TOPORS: variants seen among roughly 807,000 people sequenced by gnomAD.
TOPORS encodes E3 ubiquitin-protein ligase Topors.
TOPORS carries 25 observed loss-of-function variants against 81.4 expected under a neutral mutation model. The observed-to-expected ratio is 0.31, with a 90% CI of 0.22 to 0.43. The LOEUF is 0.43. TOPORS is among the 20% of genes least tolerant of loss of function. TOPORS has a pLI of 1.00. For missense variants in TOPORS, 1,101 were observed against 1,267.0 expected (o/e 0.87, Z 1.99); for synonymous variants, 473 against 456.6 (o/e 1.04, Z -0.46).
chr9:32,551,125 G>T, intron 1 of TOPORS, 157 bp from the exon 2 acceptor site: 1 of 912,060 alleles, frequency 1.1e-6, no homozygotes, highest in Non-Finnish European at 1.7e-6. Flanking sequence ...CAGCGCACCG[G>T]CCCAAATGCG....
intron 2 of TOPORS, among the ~76,000 whole-genome samples, chr9:32,545,251 T>C (rs949340471): frequency 3.9e-5 from 6 of 152,122 alleles, no homozygotes; most frequent in Non-Finnish European, 8.8e-5. Context: ...CTTTTTTCTT[T>C]AATCCAAAAG....
In TOPORS at chr9:32,542,851, T is replaced by A. The variant is rs1334183570; in HGVS notation, c.1674A>T (p.Ser558=). 2 of 1,613,900 alleles carry A rather than the reference T, an allele frequency of 1.2e-6. No homozygotes were observed. The highest frequency in any genetic ancestry group is 2.7e-5 in the African/African-American group (2 of 74,930). Residue 558 remains serine, a synonymous_variant, in exon 3 of 3, where the codon TCA becomes TCT. Coordinates refer to ENST00000360538, the MANE Select transcript of TOPORS (RefSeq NM_005802.5). ...GHCDSSTRIK[S]KKEEKRSTSL... Reference sequence around the variant, plus strand: ...ATGTAGATCGTTTCTCTTCCTTCTTTGATTTGATTCTTGTACTAGAATCAC... The same window carrying A: ...ATGTAGATCGTTTCTCTTCCTTCTTAGATTTGATTCTTGTACTAGAATCAC...
Position 32,541,333 on chromosome 9 carries a change from C to A in TOPORS, c.*54G>T, listed in dbSNP as rs1011866892. On this transcript the variant is annotated 3_prime_UTR_variant, in exon 3 of 3. Coordinates refer to ENST00000360538, the MANE Select transcript of TOPORS (RefSeq NM_005802.5). ...TAAATAGACTGCAGTAGACGACATT[C>A]TTCCTTTTTCCTTTTTATAACATCA... 6.3e-7 allele frequency: 1 copy of A among 1,577,650 alleles called. No individual in the cohort carries two copies.
chr9:32,550,991 C>G, intron 1 of TOPORS, 23 bp from the exon 2 acceptor site: 1 of 1,607,266 alleles, frequency 6.2e-7, no homozygotes. Context: ...GGGCTCATCA[C>G]CAATGGCAGC....
rs1052152472 is a variant in TOPORS at position 32,542,295 on chromosome 9, A to G, written c.2230T>C (p.Phe744Leu). 1.2e-6 allele frequency: 2 copies of G among 1,614,036 alleles called. No homozygotes were observed. Among genetic ancestry groups the G allele is most frequent in the African/African-American group, 2.7e-5 (2 of 74,896 alleles). ...SSSPEFRVQS[F>L]SERTNARKKN... ...TTCCTAGCATTTGTTCTTTCAGAAA[A>G]GGACTGAACTCTAAATTCTGGACTT... is the stretch of plus-strand genomic sequence containing the variant. Residue 744 changes from phenylalanine to leucine, a missense_variant, in exon 3 of 3, where the codon TTT becomes CTT. Phe to Leu is a conservative substitution (Grantham distance 22). Around this residue, in one of 9 missense-constraint regions of TOPORS, gnomAD observed 605 missense variants for 636.1 expected, o/e 0.95. Transcript: ENST00000360538.
rs143248313 is a variant in TOPORS at position 32,552,007 on chromosome 9, G to A, written c.3+427C>T. On this transcript the variant is annotated intron_variant, in intron 1 of 2. Transcript: ENST00000360538. The stretch of plus-strand genomic sequence containing the variant: ...CGGGGAGGCGTGGGGGAGGGAGCGG[G>A]GGAGAAAGCGTTAATTCTTCCAGCT... Among the ~76,000 whole-genome samples the A allele has an allele frequency of 4.7e-4, 72 of 152,044 alleles. No individual in the cohort carries two copies. In the East Asian group the frequency reaches 0.014, roughly 29 times the overall value.
chr9:32,550,212 C>G (rs1162435198), intron 2 of TOPORS, among the ~76,000 whole-genome samples: 1 of 152,182 alleles, frequency 6.6e-6, no homozygotes, highest in South Asian at 2.1e-4. Flanking sequence ...CAATCAGCAA[C>G]CCATGAGGAA....
intron 1 of TOPORS, 67 bp from the exon 2 acceptor site, chr9:32,551,035 C>CA (rs952813183): frequency 4.3e-5 from 67 of 1,554,536 alleles, no homozygotes; most frequent in Non-Finnish European, 5.6e-5. Context: ...ACCCACCCCC[C>CA]AGCTCCCGCG....
chr9:32,550,729 C>T lies in TOPORS; in HGVS notation c.198+45G>A, dbSNP rs555058970. 3.7e-6 allele frequency: 6 copies of T among 1,606,474 alleles called. No individual in the cohort carries two copies. In the Admixed American group the frequency reaches 6.7e-5, roughly 18 times the overall value. On this transcript the variant is annotated intron_variant, in intron 2 of 2. Transcript: ENST00000360538. The stretch of plus-strand genomic sequence containing the variant: ...CTCCAGGCGGGAGCGCCAACTCCCA[C>T]GGCCCTTCCGACCCCCGCGTCCCAT...
rs752807518 is a variant in TOPORS at position 32,542,084 on chromosome 9, C to A, written c.2441G>T (p.Arg814Leu). The change falls in exon 3 of 3, where the codon CGT becomes CTT. Residue 814 changes from arginine to leucine, a missense_variant. Physicochemically the swap from Arg to Leu is moderately radical, Grantham distance 102 (BLOSUM62 -2). Coordinates refer to ENST00000360538, the MANE Select transcript of TOPORS (RefSeq NM_005802.5). ...GTCCTTTGCTTTAGAAGCAAATTCA[C>A]GAGATGGCTGAGCCACTTCGTTAGT... ...EGTNEVAQPS[R>L]EFASKAKDSH... 4 of 1,614,112 alleles carry A rather than the reference C, an allele frequency of 2.5e-6. No individual in the cohort carries two copies. In the South Asian group the frequency reaches 3.3e-5, roughly 13 times the overall value.
At position 32,550,981 on chromosome 9, in the gene TOPORS, G is replaced by A; in HGVS notation, c.4-13C>T. On this transcript the variant is annotated splice_polypyrimidine_tract_variant and intron_variant, in intron 1 of 2. Transcript: ENST00000360538. ...GCGGCTGCGACCCCTGTGACGCAAA[G>A]GGCTCATCACCAATGGCAGCTCGGA... The A allele has an allele frequency of 6.2e-7, 1 of 1,608,880 alleles. No homozygotes were observed. Among genetic ancestry groups the A allele is most frequent in the Non-Finnish European group, 8.5e-7 (1 of 1,179,744 alleles).
Position 32,543,283 on chromosome 9 carries a change from T to C in TOPORS, c.1242A>G (p.Ala414=), listed in dbSNP as rs1337536573. The C allele has an allele frequency of 6.2e-7, 1 of 1,613,998 alleles. No homozygotes were observed. The highest frequency in any genetic ancestry group is 1.1e-5 in the South Asian group (1 of 91,078). Residue 414 remains alanine (A), a synonymous_variant, in exon 3 of 3, where the codon GCA becomes GCG. Transcript: ENST00000360538. This position sits in a 1 kb window ranked among gnomAD's most constrained non-coding sequence, Gnocchi z 5.6. ...GTCCTGGAGTTTCATCATCCCATGG[T>C]GCCTGACTAACAGTGGCTACATTAA... is the stretch of plus-strand genomic sequence containing the variant. ...LDINVATVSQ[A]PWDDETPGPS... is the part of the protein sequence containing the mutation.
rs17857515 is a variant in TOPORS at position 32,542,280 on chromosome 9, T to C, written c.2245A>G (p.Asn749Asp). 27,892 of 1,614,096 alleles carry C rather than the reference T, an allele frequency of 0.017. 294 individuals are homozygous for C. Among genetic ancestry groups the C allele is most frequent in the Non-Finnish European group, 0.019 (22,858 of 1,180,012 alleles). The change falls in exon 3 of 3, where the codon AAT (asparagine) becomes GAT (aspartate). Residue 749 changes from asparagine (N) to aspartate (D), a missense_variant. Around this residue, in one of 9 missense-constraint regions of TOPORS, gnomAD observed 605 missense variants for 636.1 expected, o/e 0.95. Coordinates refer to ENST00000360538, the MANE Select transcript of TOPORS (RefSeq NM_005802.5). ...CTGTGATTATTTTTTTTCCTAGCATTTGTTCTTTCAGAAAAGGACTGAACT... is the reference window on the plus strand; with the variant it reads ...CTGTGATTATTTTTTTTCCTAGCATCTGTTCTTTCAGAAAAGGACTGAACT... The part of the protein sequence containing the change: ...FRVQSFSERT[N>D]ARKKNNHSER...
In TOPORS at chr9:32,542,052, A is replaced by C; in HGVS notation, c.2473T>G (p.Tyr825Asp). ...EFASKAKDSH[Y>D]QKSSSKLDGN... ...TCCAATTTTGATGAAGATTTTTGGT[A>C]ATGACTGTCCTTTGCTTTAGAAGCA... Residue 825 changes from tyrosine to aspartate, a missense_variant, in exon 3 of 3, where the codon TAC becomes GAC. Physicochemically the swap from Tyr to Asp is radical, Grantham distance 160. Around this residue, in one of 9 missense-constraint regions of TOPORS, gnomAD observed 605 missense variants for 636.1 expected, o/e 0.95. Transcript: ENST00000360538. 1 of 1,614,108 alleles carries C rather than the reference A, an allele frequency of 6.2e-7. No individual in the cohort carries two copies. Among genetic ancestry groups the C allele is most frequent in the South Asian group, 1.1e-5 (1 of 91,064 alleles).
Position 32,543,998 on chromosome 9 carries a change from C to T in TOPORS, c.527G>A (p.Arg176Gln), listed in dbSNP as rs778023328. ...SYNGSFVTPD[R>Q]RFRYRTTLTR... ...CAGAGTTGTACGGTAGCGAAATCGT[C>T]GATCAGGGGTGACAAAAGAACCATT... Residue 176 changes from arginine to glutamine, a missense_variant, in exon 3 of 3, where the codon CGA becomes CAA. By Grantham distance (43) the Arg-to-Gln change is conservative. Transcript: ENST00000360538. The surrounding 1 kb of genome is among the most constrained non-coding windows in gnomAD (Gnocchi z 5.6). The T allele has an allele frequency of 6.2e-7, 1 of 1,614,106 alleles. No individual in the cohort carries two copies. Among genetic ancestry groups the T allele is most frequent in the Non-Finnish European group, 8.5e-7 (1 of 1,180,018 alleles).
intron 2 of TOPORS, among the ~76,000 whole-genome samples, chr9:32,544,760 A>C (rs1369808604): frequency 1.3e-5 from 2 of 152,184 alleles, no homozygotes; most frequent in African/African-American, 4.8e-5. Flanking sequence ...TAAAAAAAAA[A>C]AGTACCAAAT....
Position 32,542,554 on chromosome 9 carries a change from G to A in TOPORS, c.1971C>T (p.Ser657=). The change falls in exon 3 of 3, where the codon AGC becomes AGT. Residue 657 remains serine, a synonymous_variant. Transcript: ENST00000360538. The part of the protein sequence containing the change: ...RTRDSSWSRR[S]QTLSLSSEST... ...TTTCACTACTTAGAGACAGAGTTTG[G>A]CTTCTTCTGGACCAACTGCTATCTC... is the stretch of plus-strand genomic sequence containing the variant. The A allele has an allele frequency of 6.2e-7, 1 of 1,614,018 alleles. No individual in the cohort carries two copies. Among genetic ancestry groups the A allele is most frequent in the South Asian group, 1.1e-5 (1 of 91,080 alleles).
At chr9:32,551,022 G>A (rs1821239223) in intron 1 of TOPORS, 54 bp from the exon 2 acceptor site, 1 of 1,583,324 alleles carries the variant, frequency 6.3e-7, no homozygotes, top group Non-Finnish European at 8.6e-7. Context: ...GGCAGAGAGC[G>A]AGACCCACCC....
At chr9:32,548,173 G>A (rs1821167003) in intron 2 of TOPORS, among the ~76,000 whole-genome samples, 1 of 151,142 alleles carries the variant, frequency 6.6e-6, no homozygotes, top group Non-Finnish European at 1.5e-5. Flanking sequence ...TAACAAAGCT[G>A]TTTAAAAATA....
Sources: gnomAD v4.1 joint callset for allele counts (sites outside exome capture counted in the v4.1 genomes callset) on GRCh38, gnomAD v4.1.1 for gene constraint, gnomAD v4.1.1 regional missense constraint, Gnocchi (gnomAD v3.1) non-coding constraint, MANE v1.5 for transcripts, NCBI Gene and HGNC (gene_info 2026-07-23, HGNC 2026-07-21) for gene names.